CDC42SE2: variants seen among roughly 807,000 people sequenced by gnomAD.
The protein encoded by CDC42SE2 is CDC42 small effector 2.
CDC42SE2 carries 3 observed loss-of-function variants against 11.5 expected under a neutral mutation model. The ratio of observed to expected loss-of-function variants is 0.26; its 90% CI spans 0.12 to 0.67. CDC42SE2 has a LOEUF of 0.67. Ranked by LOEUF, CDC42SE2 falls within the 30% of genes least tolerant of loss-of-function variation. CDC42SE2 has a pLI of 0.80. For synonymous variants in CDC42SE2, 33 were observed against 34.8 expected (o/e 0.95, Z 0.18); for missense variants, 82 against 106.8 (o/e 0.77, Z 1.02).
At chr5:131,216,756 T>A in the CDC42SE2 span, among the ~76,000 whole-genome samples, 2 of 152,116 alleles carry the variant, frequency 1.3e-5, no homozygotes, top group Non-Finnish European at 2.9e-5. Context: ...TAAAATGACC[T>A]GGGTGTGGGG....
chr5:131,298,494 A>C (rs764564047), intron 1 of CDC42SE2, among the ~76,000 whole-genome samples: 1 of 151,466 alleles, frequency 6.6e-6, no homozygotes, highest in Non-Finnish European at 1.5e-5. Flanking sequence ...ATTATTTAGT[A>C]TGACGTCACA....
chr5:131,299,145 G>C (rs1308206610), intron 1 of CDC42SE2, among the ~76,000 whole-genome samples: 1 of 152,086 alleles, frequency 6.6e-6, no homozygotes, highest in East Asian at 1.9e-4. Flanking sequence ...AGAAATGTGG[G>C]GACCAAATGG....
chr5:131,349,682 T>G (rs185439586), intron 2 of CDC42SE2, among the ~76,000 whole-genome samples: 1 of 152,264 alleles, frequency 6.6e-6, no homozygotes, highest in Non-Finnish European at 1.5e-5. Flanking sequence ...AACAACCCAT[T>G]GTAATGAAGT....
In CDC42SE2 at chr5:131,302,526, G is replaced by A. The variant is rs1757705838; in HGVS notation, c.-454-13450G>A. 2.0e-5 allele frequency among the ~76,000 whole-genome samples: 3 copies of A among 151,900 alleles called. 1 individual carries two copies. ...GACGGGGGTTTCACCATGTTGGCCG[G>A]GCTGGTCTTGAACTCCTGACCTCAA... is the stretch of plus-strand genomic sequence containing the variant. On this transcript the variant is annotated intron_variant, in intron 1 of 4. Coordinates refer to ENST00000505065, the MANE Select transcript of CDC42SE2 (RefSeq NM_001375635.1).
chr5:131,210,071 T>G, the CDC42SE2 span, among the ~76,000 whole-genome samples: 3 of 152,298 alleles, frequency 2.0e-5, no homozygotes, highest in African/African-American at 7.2e-5. Context: ...GCTCTTGCCC[T>G]GTGATAAGCC....
At chr5:131,363,861 A>G (rs1322154626) in intron 3 of CDC42SE2, among the ~76,000 whole-genome samples, 3 of 150,904 alleles carry the variant, frequency 2.0e-5, no homozygotes, top group African/African-American at 7.3e-5. Flanking sequence ...ACACCCGGTT[A>G]ATTTTTATAT....
chr5:131,350,261 A>G (rs950773802), intron 2 of CDC42SE2, among the ~76,000 whole-genome samples: 1 of 152,008 alleles, frequency 6.6e-6, no homozygotes, highest in Non-Finnish European at 1.5e-5. Flanking sequence ...CTACTCGCTC[A>G]TGTATACAAT....
intron 1 of CDC42SE2, among the ~76,000 whole-genome samples, chr5:131,282,465 C>G (rs1228839313): frequency 6.6e-6 from 1 of 152,134 alleles, no homozygotes; most frequent in Non-Finnish European, 1.5e-5. Flanking sequence ...TAGTATAAAT[C>G]TGGAACCTGT....
chr5:131,299,118 A>C, intron 1 of CDC42SE2, among the ~76,000 whole-genome samples: 1 of 152,186 alleles, frequency 6.6e-6, no homozygotes, highest in South Asian at 2.1e-4. Context: ...TGGAAGAGGT[A>C]GTAAATGAGG....
intron 2 of CDC42SE2, among the ~76,000 whole-genome samples, chr5:131,341,237 A>G (rs1162269395): frequency 6.6e-6 from 1 of 152,296 alleles, no homozygotes; most frequent in Admixed American, 6.5e-5. Flanking sequence ...AAACCAAGTA[A>G]CATCTCTGTG....
At chr5:131,223,029 T>C in the CDC42SE2 span, among the ~76,000 whole-genome samples, 1 of 152,224 alleles carries the variant, frequency 6.6e-6, no homozygotes, top group Non-Finnish European at 1.5e-5. Flanking sequence ...TCCATTTTCT[T>C]AAAATAGCAG....
intron 1 of CDC42SE2, among the ~76,000 whole-genome samples, chr5:131,274,783 C>T (rs983479502): frequency 1.3e-5 from 2 of 152,112 alleles, no homozygotes; most frequent in African/African-American, 4.8e-5. Context: ...CTTGAACTTG[C>T]CAAGCATAGT....
intron 1 of CDC42SE2, among the ~76,000 whole-genome samples, chr5:131,267,811 T>C (rs1756901889): frequency 6.6e-6 from 1 of 152,176 alleles, no homozygotes; most frequent in Non-Finnish European, 1.5e-5. Context: ...TTTAGGTTCC[T>C]CATCTGCTTT....
At chr5:131,286,920 A>C (rs1377804217) in intron 1 of CDC42SE2, among the ~76,000 whole-genome samples, 38 of 151,694 alleles carry the variant, frequency 2.5e-4, no homozygotes, top group Admixed American at 2.3e-3. Flanking sequence ...TTTTTGATGG[A>C]GTGAGGGGCT....
chr5:131,303,705 CAG>C (rs1757727842), intron 1 of CDC42SE2, among the ~76,000 whole-genome samples: 1 of 152,186 alleles, frequency 6.6e-6, no homozygotes, highest in South Asian at 2.1e-4. Context: ...GCAGTGACAA[CAG>C]AAAGATGTAC....
intron 3 of CDC42SE2, among the ~76,000 whole-genome samples, chr5:131,384,879 A>G (rs544476125): frequency 6.5e-4 from 97 of 149,968 alleles, no homozygotes; most frequent in African/African-American, 2.3e-3. Flanking sequence ...CCCAGTTAAA[A>G]GACCAGCCTG....
intron 2 of CDC42SE2, among the ~76,000 whole-genome samples, chr5:131,343,474 A>G (rs1377504354): frequency 6.6e-6 from 1 of 152,186 alleles, no homozygotes; most frequent in East Asian, 1.9e-4. Flanking sequence ...GCACCGTGGG[A>G]GGCCAGGGCA....
At chr5:131,375,577 G>A (rs1750128405) in intron 3 of CDC42SE2, among the ~76,000 whole-genome samples, 2 of 152,280 alleles carry the variant, frequency 1.3e-5, no homozygotes, top group South Asian at 4.1e-4. Context: ...GAGGGCCACT[G>A]CTGGCATTCC....
chr5:131,218,037 A>G, the CDC42SE2 span, among the ~76,000 whole-genome samples: 27 of 152,154 alleles, frequency 1.8e-4, no homozygotes, highest in African/African-American at 6.3e-4. Context: ...TAGCCAAGGC[A>G]GGGTGGTGCA....
Sources: gnomAD v4.1 joint callset for allele counts (sites outside exome capture counted in the v4.1 genomes callset) on GRCh38, gnomAD v4.1.1 for gene constraint, MANE v1.5 for transcripts, NCBI Gene and HGNC (gene_info 2026-07-23, HGNC 2026-07-21) for gene names.